The following LINGO2 variants were observed in gnomAD, a reference collection of about 807,000 sequenced individuals.
LINGO2 encodes the protein leucine rich repeat and Ig domain containing 2, also known as leucine-rich repeat and immunoglobulin-like domain-containing nogo receptor-interacting protein 2.
In LINGO2, 14 loss-of-function variants were observed where a neutral mutation model predicts 30.6. The ratio of observed to expected loss-of-function variants is 0.46; its 90% CI spans 0.30 to 0.72. LINGO2 has a LOEUF of 0.72. LINGO2 is among the 30% of genes least tolerant of loss of function. LINGO2 has a pLI of 0.07. For synonymous variants in LINGO2, 317 were observed against 288.5 expected (o/e 1.10, Z -1.00); for missense variants, 729 against 751.7 (o/e 0.97, Z 0.35).
chr9:28,641,783 A>C (rs1827597604), intron 1 of LINGO2, among the ~76,000 whole-genome samples: 1 of 152,192 alleles, frequency 6.6e-6, no homozygotes, highest in Non-Finnish European at 1.5e-5. Context: ...ACTATGCATA[A>C]GGAGTCAGTC....
the LINGO2 span, among the ~76,000 whole-genome samples, chr9:29,197,870 T>C: frequency 6.6e-6 from 1 of 152,222 alleles, no homozygotes; most frequent in South Asian, 2.1e-4. Flanking sequence ...ATGGAAAGAA[T>C]AAATACACTT....
the LINGO2 span, among the ~76,000 whole-genome samples, chr9:29,207,944 A>G: frequency 6.6e-6 from 1 of 152,038 alleles, no homozygotes; most frequent in African/African-American, 2.4e-5. Flanking sequence ...TCTACCATGT[A>G]TTTTCTTCCT....
chr9:28,641,873 T>C (rs1251343343), intron 1 of LINGO2, among the ~76,000 whole-genome samples: 1 of 152,148 alleles, frequency 6.6e-6, no homozygotes, highest in African/African-American at 2.4e-5. Context: ...TAAATAACCA[T>C]GTGTCCTGGA....
intron 1 of LINGO2, among the ~76,000 whole-genome samples, chr9:28,517,061 G>A (rs769902710): frequency 6.6e-6 from 1 of 152,216 alleles, no homozygotes; most frequent in Non-Finnish European, 1.5e-5. Context: ...GGCCCTTCGT[G>A]CCTGGTAGGC....
intron 1 of LINGO2, among the ~76,000 whole-genome samples, chr9:28,519,055 A>G (rs1327246186): frequency 6.6e-6 from 1 of 152,126 alleles, no homozygotes; most frequent in Non-Finnish European, 1.5e-5. Context: ...TTTTGGAGAC[A>G]GGGTCTGACT....
the LINGO2 span, among the ~76,000 whole-genome samples, chr9:29,088,503 C>G: frequency 1.3e-5 from 2 of 152,126 alleles, no homozygotes; most frequent in African/African-American, 4.8e-5. Context: ...AAGTGTCACA[C>G]AAATCTTGAT....
chr9:29,087,107 C>T, the LINGO2 span, among the ~76,000 whole-genome samples: 1 of 152,094 alleles, frequency 6.6e-6, no homozygotes, highest in Admixed American at 6.6e-5. Flanking sequence ...GAATTCCTGA[C>T]CTCAGGTGAT....
the LINGO2 span, among the ~76,000 whole-genome samples, chr9:28,786,800 G>A: frequency 6.6e-6 from 1 of 152,064 alleles, no homozygotes; most frequent in Non-Finnish European, 1.5e-5. Flanking sequence ...GGAAGTATGG[G>A]CATACTTCTA....
rs551826956 is a variant in LINGO2 at position 28,495,117 on chromosome 9, G to A, written c.-364-19092C>T. ...AGTCCTTTGTAGATTCTGGATATTAGCCCTTTGTCAGATGAGTAGATTGCA... is the reference window on the plus strand; with the variant it reads ...AGTCCTTTGTAGATTCTGGATATTAACCCTTTGTCAGATGAGTAGATTGCA... On this transcript the variant is annotated intron_variant, in intron 1 of 5. Coordinates refer to ENST00000379992, the Ensembl canonical transcript of LINGO2. Among the ~76,000 whole-genome samples, 4 of 152,188 alleles carry A rather than the reference G, an allele frequency of 2.6e-5. No individual in the cohort carries two copies. In the East Asian group the frequency reaches 7.7e-4, roughly 29 times the overall value.
chr9:28,668,073 T>A (rs535050153), intron 1 of LINGO2, among the ~76,000 whole-genome samples: 40 of 152,290 alleles, frequency 2.6e-4, no homozygotes, highest in African/African-American at 8.7e-4. Flanking sequence ...GATTTTTTTT[T>A]AATATTCTGG....
At chr9:28,426,584 T>G (rs899989038) in intron 2 of LINGO2, among the ~76,000 whole-genome samples, 16 of 152,002 alleles carry the variant, frequency 1.1e-4, no homozygotes, top group African/African-American at 3.9e-4. Context: ...CCAATAGAAG[T>G]TTTTAAATAT....
Position 28,618,186 on chromosome 9 carries a change from A to T in LINGO2, c.-365+52014T>A, listed in dbSNP as rs141692736. Among the ~76,000 whole-genome samples the T allele has an allele frequency of 1.8e-4, 28 of 152,240 alleles. 1 individual carries two copies. The East Asian group carries it at 5.2e-3, about 28-fold the overall frequency. On this transcript the variant is annotated intron_variant, in intron 1 of 5. Coordinates refer to ENST00000379992, the Ensembl canonical transcript of LINGO2. Reference sequence around the variant, plus strand: ...GTGATTTCCAAATTCACAAGGCTAAAACAGAACTCTTGCTCCCCCAACCCC... The same window carrying T: ...GTGATTTCCAAATTCACAAGGCTAATACAGAACTCTTGCTCCCCCAACCCC...
At chr9:28,723,770 G>A in the LINGO2 span, among the ~76,000 whole-genome samples, 1 of 151,802 alleles carries the variant, frequency 6.6e-6, no homozygotes, top group Non-Finnish European at 1.5e-5. Context: ...TTTTTTCATA[G>A]GAAACATAAA....
the LINGO2 span, among the ~76,000 whole-genome samples, chr9:28,725,189 A>C: frequency 6.6e-6 from 1 of 152,084 alleles, no homozygotes; most frequent in Non-Finnish European, 1.5e-5. Context: ...AAAATTTATC[A>C]CACGTATTAC....
At chr9:28,769,453 A>G in the LINGO2 span, among the ~76,000 whole-genome samples, 1 of 119,378 alleles carries the variant, frequency 8.4e-6, no homozygotes, top group Non-Finnish European at 1.7e-5. Context: ...CCCTGTCCCC[A>G]GTTACATGCT....
intron 4 of LINGO2, among the ~76,000 whole-genome samples, chr9:28,182,038 G>A (rs1168281248): frequency 2.0e-5 from 3 of 152,072 alleles, no homozygotes; most frequent in Admixed American, 6.6e-5. Flanking sequence ...AAAGCTGGAG[G>A]CATCATGCTA....
At chr9:28,075,560 C>G (rs1423481959) in intron 4 of LINGO2, among the ~76,000 whole-genome samples, 1 of 151,860 alleles carries the variant, frequency 6.6e-6, no homozygotes, top group African/African-American at 2.4e-5. Flanking sequence ...ACAATCTCAT[C>G]AAGATTTGTT....
At chr9:28,076,854 C>T (rs1825637933) in intron 4 of LINGO2, among the ~76,000 whole-genome samples, 1 of 152,046 alleles carries the variant, frequency 6.6e-6, no homozygotes, top group African/African-American at 2.4e-5. Flanking sequence ...GTAGGGGAGC[C>T]ATCTTTTCCC....
intron 1 of LINGO2, among the ~76,000 whole-genome samples, chr9:28,514,247 T>C (rs1249510546): frequency 6.6e-6 from 1 of 152,106 alleles, no homozygotes; most frequent in African/African-American, 2.4e-5. Flanking sequence ...GGCCAATGAG[T>C]AACCCTACAA....
Sources: gnomAD v4.1 joint callset for allele counts (sites outside exome capture counted in the v4.1 genomes callset) on GRCh38, gnomAD v4.1.1 for gene constraint, MANE v1.5 for transcripts, NCBI Gene and HGNC (gene_info 2026-07-23, HGNC 2026-07-21) for gene names.